ITSN2: variants seen among roughly 807,000 people sequenced by gnomAD.
The protein encoded by ITSN2 is intersectin-2.
In ITSN2, 156 loss-of-function variants were observed where a neutral mutation model predicts 243.7. That is an observed-to-expected ratio of 0.64 (90% CI 0.56 to 0.73). The LOEUF is 0.73. Ranked by LOEUF, ITSN2 falls within the 30% of genes least tolerant of loss-of-function variation. The probability of loss-of-function intolerance (pLI) is 0.00; values close to 1 mark genes in which losing one functional copy is unlikely to be tolerated. For synonymous variants in ITSN2, 703 were observed against 699.9 expected (o/e 1.00, Z -0.07); for missense variants, 1,801 against 1,996.1 (o/e 0.90, Z 1.86).
intron 29 of ITSN2, among the ~76,000 whole-genome samples, chr2:24,236,368 A>G (rs1384976134): frequency 1.3e-5 from 2 of 152,178 alleles, no homozygotes; most frequent in Non-Finnish European, 2.9e-5. Flanking sequence ...AATGGGGGTG[A>G]TAGCTAAATT....
chr2:24,206,630 C>T (rs1281245600), intron 37 of ITSN2, among the ~76,000 whole-genome samples: 1 of 152,118 alleles, frequency 6.6e-6, no homozygotes, highest in African/African-American at 2.4e-5. Context: ...GGTGAGTGAT[C>T]TGTGCCATGA....
chr2:24,335,044 CAG>C (rs1686207696), intron 1 of ITSN2: 3 of 140,152 alleles, frequency 2.1e-5, no homozygotes, highest in African/African-American at 9.0e-5. Flanking sequence ...GCCTGGGCGA[CAG>C]AGCGAGACTC....
chr2:24,282,075 C>A (rs972459202), intron 17 of ITSN2, among the ~76,000 whole-genome samples: 4 of 152,252 alleles, frequency 2.6e-5, no homozygotes, highest in African/African-American at 9.6e-5. Flanking sequence ...TAGGTGAGGA[C>A]AGGCACTCCT....
chr2:24,347,512 C>A (rs1374161049), intron 1 of ITSN2, among the ~76,000 whole-genome samples: 1 of 152,144 alleles, frequency 6.6e-6, no homozygotes, highest in Admixed American at 6.5e-5. Context: ...CATGGAGAAA[C>A]CCCGTCCCTG....
chr2:24,203,861 A>C, intron 39 of ITSN2, 78 bp from the exon 40 acceptor site: 1 of 1,440,854 alleles, frequency 6.9e-7, no homozygotes, highest in Non-Finnish European at 9.4e-7. Flanking sequence ...GAAGAAGTGG[A>C]TTCATAAAAC....
At chr2:24,245,701 A>G (rs544274866) in intron 29 of ITSN2, among the ~76,000 whole-genome samples, 1 of 152,182 alleles carries the variant, frequency 6.6e-6, no homozygotes, top group South Asian at 2.1e-4. Flanking sequence ...CTAGTCTCCA[A>G]TTCCTGGGCT....
At chr2:24,220,913 C>A (rs1256070573) in intron 30 of ITSN2, 32 bp downstream of exon 30, 6 of 1,575,398 alleles carry the variant, frequency 3.8e-6, no homozygotes, top group Non-Finnish European at 5.2e-6. Flanking sequence ...ACAGCAGATA[C>A]CCCGAGAGCT....
intron 17 of ITSN2, among the ~76,000 whole-genome samples, chr2:24,279,058 T>G (rs1190461023): frequency 6.6e-6 from 1 of 152,256 alleles, no homozygotes; most frequent in Non-Finnish European, 1.5e-5. Context: ...AAATGGATAT[T>G]AAATTTTATC....
chr2:24,223,837 GAAAC>G (rs1438800892), intron 29 of ITSN2, among the ~76,000 whole-genome samples: 2 of 137,512 alleles, frequency 1.5e-5, no homozygotes, highest in African/African-American at 5.5e-5. Context: ...AAAAAGGAAA[GAAAC>G]AAGAAAAAGA....
chr2:24,209,265 A>C, intron 35 of ITSN2, 44 bp from the exon 36 acceptor site: 3 of 1,600,464 alleles, frequency 1.9e-6, no homozygotes, highest in Middle Eastern at 3.3e-4. Flanking sequence ...GATGGGCTAG[A>C]ACACTCCACC....
At chr2:24,323,045 T>TA (rs1025863469) in intron 2 of ITSN2, among the ~76,000 whole-genome samples, 2,001 of 144,492 alleles carry the variant, frequency 0.014, 47 homozygotes, top group African/African-American at 0.046. Flanking sequence ...GTCTGAAAAT[T>TA]AAAAAAAAAA....
chr2:24,302,036 A>C lies in ITSN2; in HGVS notation c.924T>G (p.Leu308=). The part of the protein sequence containing the change: ...KAEEFILAMH[L]TDMAKAGQPL... ...GCTGTCCAGCTTTGGCCATGTCAGT[A>C]AGGTGCATTGCAAGAATAAACTCTT... The change falls in exon 10 of 40, where the codon CTT becomes CTG. Residue 308 remains leucine (L), a synonymous_variant. Transcript: ENST00000355123. 2 of 1,613,236 alleles carry C rather than the reference A, an allele frequency of 1.2e-6. No individual in the cohort carries two copies. Among genetic ancestry groups the C allele is most frequent in the Non-Finnish European group, 1.7e-6 (2 of 1,179,352 alleles).
intron 29 of ITSN2, among the ~76,000 whole-genome samples, chr2:24,234,698 C>T (rs980372693): frequency 6.6e-6 from 1 of 152,072 alleles, no homozygotes; most frequent in Non-Finnish European, 1.5e-5. Context: ...TAACAGATGC[C>T]TCATGGAAAA....
At chr2:24,295,831 G>A in intron 13 of ITSN2, 27 bp from the exon 14 acceptor site, 3 of 1,446,206 alleles carry the variant, frequency 2.1e-6, no homozygotes, top group East Asian at 2.7e-5. Context: ...TAAATATATA[G>A]TAACATAAAA....
At chr2:24,238,345 A>G (rs1277148442) in intron 29 of ITSN2, among the ~76,000 whole-genome samples, 2 of 151,822 alleles carry the variant, frequency 1.3e-5, no homozygotes, top group African/African-American at 2.4e-5. Flanking sequence ...TGTTAGTTGA[A>G]TAAGTTTCCG....
intron 1 of ITSN2, among the ~76,000 whole-genome samples, chr2:24,336,118 T>G (rs1686344747): frequency 6.6e-6 from 1 of 151,598 alleles, no homozygotes; most frequent in South Asian, 2.1e-4. Context: ...GGCGGGCACC[T>G]GTAGTCCCAG....
intron 17 of ITSN2, 84 bp from the exon 18 acceptor site, chr2:24,275,933 G>A: frequency 3.0e-6 from 3 of 994,766 alleles, no homozygotes; most frequent in East Asian, 2.7e-5. Context: ...TGCATTAAAA[G>A]ATAAAAATCC....
In ITSN2 at chr2:24,347,031, AT is replaced by A. The variant is rs965215103; in HGVS notation, c.-34+13272del. 1.3e-4 allele frequency among the ~76,000 whole-genome samples: 20 copies of A among 151,612 alleles called. No individual in the cohort carries two copies. In the East Asian group the frequency reaches 3.7e-3, roughly 28 times the overall value. ...AGGCACCCGCCACCACGCCCAGCTAATTTTTTTTGTACTAGTAGAGACAGGG... is the reference window on the plus strand; with the variant it reads ...AGGCACCCGCCACCACGCCCAGCTAATTTTTTTGTACTAGTAGAGACAGGG... On this transcript the variant is annotated intron_variant, in intron 1 of 39. Coordinates refer to ENST00000355123, the MANE Select transcript of ITSN2 (RefSeq NM_006277.3).
At chr2:24,247,434 A>G (rs1673530115) in intron 27 of ITSN2, among the ~76,000 whole-genome samples, 2 of 152,166 alleles carry the variant, frequency 1.3e-5, no homozygotes, top group Admixed American at 1.3e-4. Flanking sequence ...ATTGCAATAA[A>G]CTGCAACATG....
Sources: gnomAD v4.1 joint callset for allele counts (sites outside exome capture counted in the v4.1 genomes callset) on GRCh38, gnomAD v4.1.1 for gene constraint, MANE v1.5 for transcripts, NCBI Gene and HGNC (gene_info 2026-07-23, HGNC 2026-07-21) for gene names.